The following NBAS variants were observed in gnomAD, a reference collection of about 807,000 sequenced individuals.
The protein encoded by NBAS is NBAS subunit of NRZ tethering complex.
NBAS carries 219 observed loss-of-function variants against 302.5 expected under a neutral mutation model. The ratio of observed to expected loss-of-function variants is 0.72; its 90% CI spans 0.65 to 0.81. The LOEUF (loss-of-function observed/expected upper bound fraction) is 0.81. Among genes scored for constraint, NBAS ranks in the 30% least tolerant of loss-of-function variants. NBAS has a pLI of 0.00. For synonymous variants in NBAS, 1,118 were observed against 1,021.6 expected, an observed-to-expected ratio of 1.09 and a Z score of -1.80; for missense variants, 2,932 against 2,841.6, an observed-to-expected ratio of 1.03 and a Z score of -0.72.
At chr2:15,327,291 G>GA (rs1231966115) in intron 38 of NBAS, among the ~76,000 whole-genome samples, 2 of 151,608 alleles carry the variant, frequency 1.3e-5, no homozygotes, top group Admixed American at 6.6e-5. Context: ...GAGGCTAAAG[G>GA]AAAAAAAGGT....
intron 38 of NBAS, among the ~76,000 whole-genome samples, chr2:15,309,777 T>A (rs1432318305): frequency 1.3e-5 from 2 of 152,228 alleles, no homozygotes; most frequent in Non-Finnish European, 2.9e-5. Flanking sequence ...TTTGCTTGTA[T>A]GTCTTAAAAT....
At chr2:15,527,161 A>C (rs1218554276) in intron 9 of NBAS, among the ~76,000 whole-genome samples, 2 of 152,062 alleles carry the variant, frequency 1.3e-5, no homozygotes, top group African/African-American at 4.8e-5. Flanking sequence ...AAGGAGAAAA[A>C]AGGAAAAGTC....
chr2:15,397,304 T>C, intron 26 of NBAS: 1 of 215,472 alleles, frequency 4.6e-6, no homozygotes. Context: ...AGGTGCCTTC[T>C]GTGCAATGCT....
the NBAS span, among the ~76,000 whole-genome samples, chr2:14,990,616 G>C: frequency 6.6e-6 from 1 of 152,052 alleles, no homozygotes; most frequent in East Asian, 1.9e-4. Flanking sequence ...TGCAGATAAA[G>C]GCATTTTGTC....
At chr2:15,165,381 C>T (rs1338367605), downstream of NBAS, among the ~76,000 whole-genome samples, 3 of 152,194 alleles carry the variant, frequency 2.0e-5, no homozygotes, top group Non-Finnish European at 4.4e-5. Flanking sequence ...ATGCTAGAGG[C>T]TTGTGCAGGC....
chr2:15,244,853 C>T (rs1220527745), intron 44 of NBAS, among the ~76,000 whole-genome samples: 1 of 152,144 alleles, frequency 6.6e-6, no homozygotes, highest in East Asian at 1.9e-4. Flanking sequence ...TTATCCGCTT[C>T]TCTATGCTTC....
the NBAS span, among the ~76,000 whole-genome samples, chr2:14,784,140 T>C: frequency 6.6e-6 from 1 of 152,232 alleles, no homozygotes; most frequent in East Asian, 1.9e-4. Context: ...TGTCTGTTCA[T>C]GTCCTTTGCC....
chr2:14,944,841 C>A, the NBAS span, among the ~76,000 whole-genome samples: 2 of 152,130 alleles, frequency 1.3e-5, 1 homozygote, highest in South Asian at 4.1e-4. Flanking sequence ...AATTTTTACC[C>A]AATTCACAGT....
At chr2:15,293,472 G>A (rs1207487826) in intron 40 of NBAS, among the ~76,000 whole-genome samples, 1 of 152,162 alleles carries the variant, frequency 6.6e-6, no homozygotes, top group African/African-American at 2.4e-5. Flanking sequence ...GGAAAGGAGA[G>A]TAAGTGATTA....
chr2:14,903,660 T>C, the NBAS span, among the ~76,000 whole-genome samples: 1 of 152,240 alleles, frequency 6.6e-6, no homozygotes. Flanking sequence ...CGAGACACTT[T>C]GAGGAAAACT....
intron 50 of NBAS, among the ~76,000 whole-genome samples, chr2:15,183,481 A>G (rs1664926433): frequency 6.6e-6 from 1 of 152,236 alleles, no homozygotes; most frequent in Admixed American, 6.5e-5. Flanking sequence ...TCCCGAGAGA[A>G]TTACACATTT....
the NBAS span, among the ~76,000 whole-genome samples, chr2:14,970,101 T>C: frequency 1.3e-5 from 2 of 152,218 alleles, no homozygotes; most frequent in Non-Finnish European, 2.9e-5. Flanking sequence ...AATTAGTTAA[T>C]TTTCTAAAAT....
the NBAS span, among the ~76,000 whole-genome samples, chr2:14,842,467 T>C: frequency 1.3e-5 from 2 of 151,706 alleles, no homozygotes; most frequent in African/African-American, 4.8e-5. Flanking sequence ...ATAATTAAAA[T>C]CAGAAACTAA....
At chr2:15,394,899 T>A (rs1302756262) in intron 27 of NBAS, among the ~76,000 whole-genome samples, 1 of 152,098 alleles carries the variant, frequency 6.6e-6, no homozygotes, top group Non-Finnish European at 1.5e-5. Flanking sequence ...CAACATCATA[T>A]AAATACTTGA....
chr2:15,376,344 G>A (rs1421232581), intron 30 of NBAS, among the ~76,000 whole-genome samples: 2 of 152,180 alleles, frequency 1.3e-5, no homozygotes, highest in African/African-American at 4.8e-5. Flanking sequence ...GAGATGCAAT[G>A]AAGGGGAAAT....
At chr2:15,100,399 G>T in the NBAS span, among the ~76,000 whole-genome samples, 4 of 152,258 alleles carry the variant, frequency 2.6e-5, no homozygotes, top group Middle Eastern at 3.4e-3. Context: ...AGGCTGTCAT[G>T]GCAAAGAAAC....
chr2:15,529,407 C>T (rs1022107503), intron 9 of NBAS, among the ~76,000 whole-genome samples: 4 of 151,994 alleles, frequency 2.6e-5, no homozygotes, highest in East Asian at 1.9e-4. Context: ...GTGGGAGGAT[C>T]GCTTGAGCCC....
chr2:14,832,711 T>C, the NBAS span, among the ~76,000 whole-genome samples: 1 of 152,202 alleles, frequency 6.6e-6, no homozygotes, highest in South Asian at 2.1e-4. Flanking sequence ...CTGTGGCGAA[T>C]ACATCTCCCG....
At chr2:15,051,841 T>C in the NBAS span, among the ~76,000 whole-genome samples, 2 of 152,198 alleles carry the variant, frequency 1.3e-5, no homozygotes, top group African/African-American at 4.8e-5. Flanking sequence ...TTGTGTCTTT[T>C]TTGCCTCTTG....
Sources: allele counts gnomAD v4.1 joint callset (sites outside exome capture counted in the v4.1 genomes callset), GRCh38; gene constraint gnomAD v4.1.1; transcripts MANE v1.5; gene names NCBI Gene and HGNC (gene_info 2026-07-23, HGNC 2026-07-21).